Variants in SGIP1 observed in about 807,000 individuals in gnomAD.
SGIP1 encodes SH3GL interacting endocytic adaptor 1.
Under a neutral mutation model 107.5 loss-of-function variants are expected in SGIP1, and 38 were observed. The ratio of observed to expected loss-of-function variants is 0.35; its 90% CI spans 0.27 to 0.46. The LOEUF (loss-of-function observed/expected upper bound fraction) is 0.46. Ranked by LOEUF, SGIP1 falls within the 20% of genes least tolerant of loss-of-function variation. The pLI, the probability that SGIP1 is intolerant of heterozygous loss-of-function variation, is 1.00. For missense variants in SGIP1, 929 were observed against 1,019.5 expected, an observed-to-expected ratio of 0.91 and a Z score of 1.21; for synonymous variants, 365 against 366.1, an observed-to-expected ratio of 1.00 and a Z score of 0.03.
In SGIP1 at chr1:66,741,135, A is replaced by G. The variant is rs534496890; in HGVS notation, c.2300-137A>G. The G allele has an allele frequency of 4.5e-5, 41 of 903,810 alleles. No individual in the cohort carries two copies. The African/African-American group carries it at 6.5e-4, about 14-fold the overall frequency. The allele number at this position is 903,810 out of a possible 1,614,324, so 56.0% of individuals were successfully genotyped here. The stretch of plus-strand genomic sequence containing the variant: ...GCAAATAGAATTGCTCATAATATTC[A>G]ATGATAAACTCATTTAATCACCATT... On this transcript the variant is annotated intron_variant, in intron 23 of 24. Coordinates refer to ENST00000371037, the MANE Select transcript of SGIP1 (RefSeq NM_032291.4).
intron 17 of SGIP1, among the ~76,000 whole-genome samples, chr1:66,692,018 G>T (rs986416592): frequency 6.6e-6 from 1 of 152,114 alleles, no homozygotes; most frequent in African/African-American, 2.4e-5. Context: ...AATTAGCCGG[G>T]TGTGGTGGTG....
chr1:66,715,579 G>A (rs1395499148), intron 18 of SGIP1, among the ~76,000 whole-genome samples: 1 of 152,094 alleles, frequency 6.6e-6, no homozygotes, highest in Non-Finnish European at 1.5e-5. Context: ...GTGGTTGTGT[G>A]TTCCAATTGC....
chr1:66,739,234 A>C, intron 21 of SGIP1, 101 bp from the exon 22 acceptor site: 1 of 1,307,976 alleles, frequency 7.6e-7, no homozygotes. Flanking sequence ...CCTCTCACTC[A>C]CGGTTGCTTG....
chr1:66,632,747 T>C (rs1377991108), intron 2 of SGIP1, among the ~76,000 whole-genome samples: 1 of 151,900 alleles, frequency 6.6e-6, no homozygotes, highest in Non-Finnish European at 1.5e-5. Context: ...CCAGCTAGAG[T>C]GGGATAGTTT....
chr1:66,717,213 G>A (rs1402804734), intron 18 of SGIP1, among the ~76,000 whole-genome samples: 1 of 152,114 alleles, frequency 6.6e-6, no homozygotes, highest in Admixed American at 6.6e-5. Flanking sequence ...CCCTGATAGA[G>A]TGGCAACAGT....
intron 1 of SGIP1, among the ~76,000 whole-genome samples, chr1:66,619,654 A>G (rs2070416661): frequency 6.6e-6 from 1 of 152,210 alleles, no homozygotes; most frequent in African/African-American, 2.4e-5. Flanking sequence ...GGAATACAGG[A>G]CAAGGAGAGA....
At chr1:66,686,758 A>C (rs2088417981) in intron 15 of SGIP1, among the ~76,000 whole-genome samples, 3 of 152,212 alleles carry the variant, frequency 2.0e-5, no homozygotes, top group African/African-American at 7.2e-5. Flanking sequence ...TCAGTACAGA[A>C]AAAGTGATTT....
intron 1 of SGIP1, among the ~76,000 whole-genome samples, chr1:66,539,124 A>C (rs1354845116): frequency 6.6e-6 from 1 of 152,220 alleles, no homozygotes; most frequent in East Asian, 1.9e-4. Context: ...ATTTGCTGAG[A>C]TAATTCTAAA....
At chr1:66,713,366 G>T (rs765948971) in intron 18 of SGIP1, among the ~76,000 whole-genome samples, 1 of 152,202 alleles carries the variant, frequency 6.6e-6, no homozygotes, top group African/African-American at 2.4e-5. Context: ...ATCTAGGATT[G>T]AATTTCAGCT....
chr1:66,563,413 G>A (rs536606104), intron 1 of SGIP1, among the ~76,000 whole-genome samples: 2 of 151,960 alleles, frequency 1.3e-5, no homozygotes, highest in African/African-American at 2.4e-5. Flanking sequence ...AACAGATTTG[G>A]TCACCAAGAC....
chr1:66,695,745 CTA>C (rs2090779537), intron 18 of SGIP1, among the ~76,000 whole-genome samples: 1 of 152,122 alleles, frequency 6.6e-6, no homozygotes, highest in Non-Finnish European at 1.5e-5. Context: ...ATTTAATTAA[CTA>C]TGGTCAATTG....
At chr1:66,646,369 A>G (rs2077665299) in intron 7 of SGIP1, among the ~76,000 whole-genome samples, 1 of 152,212 alleles carries the variant, frequency 6.6e-6, no homozygotes, top group South Asian at 2.1e-4. Context: ...TATTTAAACT[A>G]TGGTTTTTAT....
intron 3 of SGIP1, chr1:66,634,069 G>A: frequency 6.3e-7 from 1 of 1,596,360 alleles, no homozygotes; most frequent in Non-Finnish European, 8.5e-7. Flanking sequence ...TATAATCAAG[G>A]CTCTATTCAG....
intron 1 of SGIP1, among the ~76,000 whole-genome samples, chr1:66,607,972 G>T (rs1413709153): frequency 6.6e-6 from 1 of 152,184 alleles, no homozygotes; most frequent in African/African-American, 2.4e-5. Flanking sequence ...CAAAGATCTT[G>T]TGAGCTGAGT....
chr1:66,700,969 G>A (rs1343154465), intron 18 of SGIP1, among the ~76,000 whole-genome samples: 3 of 152,032 alleles, frequency 2.0e-5, no homozygotes, highest in South Asian at 2.1e-4. Flanking sequence ...CATAATAGGA[G>A]CTACATTTTT....
intron 1 of SGIP1, among the ~76,000 whole-genome samples, chr1:66,600,867 A>G (rs146969615): frequency 6.6e-6 from 1 of 152,204 alleles, no homozygotes; most frequent in Non-Finnish European, 1.5e-5. Flanking sequence ...TGGAACAGGT[A>G]AGATACCAAA....
Position 66,733,735 on chromosome 1 carries a change from C to T in SGIP1, c.1899-13C>T. 1 of 1,602,096 alleles carries T rather than the reference C, an allele frequency of 6.2e-7. No individual in the cohort carries two copies. Among genetic ancestry groups the T allele is most frequent in the African/African-American group, 1.3e-5 (1 of 74,424 alleles). On this transcript the variant is annotated splice_polypyrimidine_tract_variant and intron_variant, in intron 20 of 24. Transcript: ENST00000371037. ...AAGATGCTACTCAATCATTTTTCTT[C>T]CCAAATGAACAGTGATAATACACAA...
At chr1:66,613,866 T>C (rs1465403318) in intron 1 of SGIP1, among the ~76,000 whole-genome samples, 1 of 152,222 alleles carries the variant, frequency 6.6e-6, no homozygotes, top group African/African-American at 2.4e-5. Context: ...TATCTCTAGT[T>C]AGAAAAGTCT....
Position 66,750,768 on chromosome 1 carries a change from G to T in SGIP1, c.*7673G>T. ...TCAAGAGAAAACCAACAACGGAAGC[G>T]AAGACTTACTTGCTCCTTCACAGAA... is the stretch of plus-strand genomic sequence containing the variant. On this transcript the variant is annotated 3_prime_UTR_variant, in exon 25 of 25. Coordinates refer to ENST00000371037, the MANE Select transcript of SGIP1 (RefSeq NM_032291.4). Among the ~76,000 whole-genome samples the T allele has an allele frequency of 7.8e-6, 1 of 129,000 alleles. No homozygotes were observed. The highest frequency in any genetic ancestry group is 2.1e-4 in the South Asian group (1 of 4,674). 84.6% of individuals were successfully genotyped at this position (129,000 alleles called of 152,430 possible). A position where few individuals can be genotyped will look rare whatever the true frequency, so the allele number is the denominator to read the frequency against.
Sources: gnomAD v4.1 joint callset for allele counts (sites outside exome capture counted in the v4.1 genomes callset) on GRCh38, gnomAD v4.1.1 for gene constraint, MANE v1.5 for transcripts, NCBI Gene and HGNC (gene_info 2026-07-23, HGNC 2026-07-21) for gene names.